ABCB4: variants seen among roughly 807,000 people sequenced by gnomAD.
The protein encoded by ABCB4 is phosphatidylcholine translocator ABCB4.
In ABCB4, 76 loss-of-function variants were observed where a neutral mutation model predicts 145.7. The ratio of observed to expected loss-of-function variants is 0.52; its 90% CI spans 0.43 to 0.63. The LOEUF is 0.63. ABCB4 is among the 30% of genes least tolerant of loss of function. The pLI is 0.00. For synonymous variants in ABCB4, 517 were observed against 566.8 expected (o/e 0.91, Z 1.25); for missense variants, 1,234 against 1,553.1 (o/e 0.79, Z 3.45).
chr7:87,379,522 T>G, the ABCB4 span, among the ~76,000 whole-genome samples: 3 of 152,216 alleles, frequency 2.0e-5, no homozygotes, highest in African/African-American at 7.2e-5. Flanking sequence ...TTTTTACTAA[T>G]AGCACCAGTA....
the ABCB4 span, among the ~76,000 whole-genome samples, chr7:87,395,109 G>C: frequency 6.6e-6 from 1 of 152,130 alleles, no homozygotes; most frequent in African/African-American, 2.4e-5. Context: ...TAACTCACAC[G>C]ATCACAAGGT....
downstream of ABCB4, chr7:87,398,517 T>C (rs746222306): frequency 1.9e-6 from 3 of 1,613,502 alleles, no homozygotes; most frequent in East Asian, 6.7e-5. Context: ...TTATTTATGC[T>C]TCACAGGTTT....
chr7:87,449,943 C>T, intron 8 of ABCB4, 25 bp downstream of exon 8: 1 of 1,614,068 alleles, frequency 6.2e-7, no homozygotes, highest in Non-Finnish European at 8.5e-7. Flanking sequence ...ATTCCTTAAA[C>T]CAGTGGCTAA....
the ABCB4 span, among the ~76,000 whole-genome samples, chr7:87,387,076 T>G: frequency 6.6e-6 from 1 of 151,840 alleles, no homozygotes; most frequent in Non-Finnish European, 1.5e-5. Context: ...CTGTTTCTCT[T>G]ACCTTCTGCT....
chr7:87,382,614 A>C, the ABCB4 span: 2 of 1,465,366 alleles, frequency 1.4e-6, no homozygotes, highest in Non-Finnish European at 1.8e-6. Flanking sequence ...TAGCTATTTC[A>C]TCCTAACTCC....
rs111504343 is a variant in ABCB4 at position 87,418,100 on chromosome 7, G to A, written c.2478+437C>T. 1.7e-3 allele frequency among the ~76,000 whole-genome samples: 262 copies of A among 152,338 alleles called. 1 individual carries two copies. The highest frequency in any genetic ancestry group is 6.1e-3 in the African/African-American group (254 of 41,592). The stretch of plus-strand genomic sequence containing the variant: ...CACCTCAGCTAAAGGGGTGGGGGAC[G>A]TAGGCCACTCAGAACACCACCATCC... On this transcript the variant is annotated intron_variant, in intron 20 of 27. Coordinates refer to ENST00000649586, the MANE Select transcript of ABCB4 (RefSeq NM_000443.4).
chr7:87,451,958 C>G, intron 6 of ABCB4, 164 bp from the exon 7 acceptor site: 1 of 692,702 alleles, frequency 1.4e-6, no homozygotes, highest in Non-Finnish European at 2.6e-6. Flanking sequence ...AAACACCGCA[C>G]AAAGGAAGAA....
At chr7:87,383,267 C>G in the ABCB4 span, among the ~76,000 whole-genome samples, 1,492 of 152,216 alleles carry the variant, frequency 9.8e-3, 26 homozygotes, top group African/African-American at 0.034. Flanking sequence ...TCCTCTCCCC[C>G]CTACTCATCC....
chr7:87,405,962 C>A, intron 26 of ABCB4: 1 of 380,966 alleles, frequency 2.6e-6, no homozygotes. Flanking sequence ...CATGTAAATC[C>A]ATAATTATCT....
At chr7:87,446,368 C>T (rs1171330112) in intron 9 of ABCB4, among the ~76,000 whole-genome samples, 3 of 151,556 alleles carry the variant, frequency 2.0e-5, no homozygotes, top group Non-Finnish European at 4.4e-5. Context: ...AATGTGGTTA[C>T]AAAAAGATAT....
chr7:87,426,979 G>A (rs2116565460), intron 15 of ABCB4, 59 bp from the exon 16 acceptor site: 2 of 1,468,392 alleles, frequency 1.4e-6, no homozygotes, highest in East Asian at 2.4e-5. Flanking sequence ...GTGTGTGTGT[G>A]TCTCCAAATG....
At chr7:87,399,170 G>A (rs1478734983), downstream of ABCB4, 2 of 153,718 alleles carry the variant, frequency 1.3e-5, no homozygotes, top group Non-Finnish European at 2.9e-5. Context: ...ACAATCTAAT[G>A]GTGATCTAAA....
chr7:87,449,640 A>C (rs957658267), intron 8 of ABCB4, among the ~76,000 whole-genome samples: 1 of 151,686 alleles, frequency 6.6e-6, no homozygotes, highest in Non-Finnish European at 1.5e-5. Flanking sequence ...GTCTTACTAC[A>C]TTGCCCAGGC....
Position 87,440,395 on chromosome 7 carries a change from A to G in ABCB4, c.1364T>C (p.Ile455Thr). The G allele has an allele frequency of 6.2e-7, 1 of 1,613,676 alleles. No homozygotes were observed. Among genetic ancestry groups the G allele is most frequent in the Non-Finnish European group, 8.5e-7 (1 of 1,179,620 alleles). Residue 455 changes from isoleucine to threonine, a missense_variant, in exon 13 of 28, where the codon ATT (isoleucine) becomes ACT (threonine). Physicochemically the swap from Ile to Thr is moderately conservative, Grantham distance 89. Around this residue, in one of 7 missense-constraint regions of ABCB4, gnomAD observed 467 missense variants for 632.8 expected, o/e 0.74. Coordinates refer to ENST00000649586, the MANE Select transcript of ABCB4 (RefSeq NM_000443.4). ...AAAGTTCCTAATATCCTGCCCATCAATGTTAATCTGAAAGAAAGAAATATT... is the reference window on the plus strand; with the variant it reads ...AAAGTTCCTAATATCCTGCCCATCAGTGTTAATCTGAAAGAAAGAAATATT... ...LYDPDEGTIN[I>T]DGQDIRNFNV...
the ABCB4 span, among the ~76,000 whole-genome samples, chr7:87,391,916 A>G: frequency 6.6e-6 from 1 of 152,200 alleles, no homozygotes; most frequent in Non-Finnish European, 1.5e-5. Context: ...AAAGGATCCC[A>G]TTTGTGTTAT....
At chr7:87,373,545 T>A in the ABCB4 span, among the ~76,000 whole-genome samples, 12 of 151,996 alleles carry the variant, frequency 7.9e-5, no homozygotes, top group Non-Finnish European at 1.6e-4. Flanking sequence ...AAGATCTTTT[T>A]AAAAAAAATT....
chr7:87,475,485 A>G lies in ABCB4; in HGVS notation c.-6-14T>C, dbSNP rs770117862. The G allele has an allele frequency of 1.9e-6, 3 of 1,613,966 alleles. No individual in the cohort carries two copies. Among genetic ancestry groups the G allele is most frequent in the Non-Finnish European group, 2.5e-6 (3 of 1,179,898 alleles). Reference sequence around the variant, plus strand: ...ATCCATCTCAGCCTGAGGAGAAACCACAGCCTCAGAACCAAGTACACCCTC... The same window carrying G: ...ATCCATCTCAGCCTGAGGAGAAACCGCAGCCTCAGAACCAAGTACACCCTC... On this transcript the variant is annotated splice_polypyrimidine_tract_variant and intron_variant, in intron 1 of 27. Coordinates refer to ENST00000649586, the MANE Select transcript of ABCB4 (RefSeq NM_000443.4).
chr7:87,458,140 T>C (rs1055605064), intron 4 of ABCB4, among the ~76,000 whole-genome samples: 2 of 152,176 alleles, frequency 1.3e-5, no homozygotes, highest in Non-Finnish European at 2.9e-5. Flanking sequence ...CAAGAGGCAA[T>C]GCAAGGACAA....
At chr7:87,415,726 T>C (rs914520934) in intron 21 of ABCB4, among the ~76,000 whole-genome samples, 18 of 152,176 alleles carry the variant, frequency 1.2e-4, no homozygotes, top group African/African-American at 4.3e-4. Flanking sequence ...AGACCAAAGC[T>C]AATAACCCAA....
Sources: allele counts gnomAD v4.1 joint callset (sites outside exome capture counted in the v4.1 genomes callset), GRCh38; gene constraint gnomAD v4.1.1; regional missense constraint gnomAD v4.1.1; transcripts MANE v1.5; gene names NCBI Gene and HGNC (gene_info 2026-07-23, HGNC 2026-07-21).